KIF20B: variants seen among roughly 807,000 people sequenced by gnomAD.
The protein encoded by KIF20B is kinesin family member 20B.
Under a neutral mutation model 232.5 loss-of-function variants are expected in KIF20B, and 188 were observed. The ratio of observed to expected loss-of-function variants is 0.81; its 90% CI spans 0.72 to 0.91. KIF20B has a LOEUF of 0.91. KIF20B is among the 40% of genes least tolerant of loss of function. KIF20B has a pLI of 0.00. For missense variants in KIF20B, 2,154 were observed against 2,055.9 expected (o/e 1.05, Z -0.92); for synonymous variants, 712 against 683.0 (o/e 1.04, Z -0.66).
intron 25 of KIF20B, among the ~76,000 whole-genome samples, chr10:89,754,161 T>G (rs532392359): frequency 1.3e-5 from 2 of 151,324 alleles, no homozygotes; most frequent in South Asian, 2.1e-4. Flanking sequence ...AACCATCCAG[T>G]TAGAAATGAC....
chr10:89,737,517 C>G lies in KIF20B; in HGVS notation c.2676C>G (p.Leu892=). 1.2e-6 allele frequency: 2 copies of G among 1,609,102 alleles called. No homozygotes were observed. Among genetic ancestry groups the G allele is most frequent in the South Asian group, 2.2e-5 (2 of 90,092 alleles). The change falls in exon 20 of 33, where the codon CTC becomes CTG. Residue 892 remains leucine, a synonymous_variant. Coordinates refer to ENST00000371728, the MANE Select transcript of KIF20B (RefSeq NM_001284259.2). ...ENNEGLRAFL[L]TIENELKNEK... ...ATGAAGGACTGAGAGCATTTTTACT[C>G]ACTATTGAGAATGAACTTAAAAATG...
chr10:89,724,125 C>T, intron 14 of KIF20B, 22 bp downstream of exon 14: 3 of 1,445,200 alleles, frequency 2.1e-6, no homozygotes, highest in Non-Finnish European at 2.7e-6. Flanking sequence ...ATTTCATGTC[C>T]AGGTAAAAAT....
At chr10:89,736,311 T>G (rs1325531892) in intron 19 of KIF20B, among the ~76,000 whole-genome samples, 2 of 152,230 alleles carry the variant, frequency 1.3e-5, no homozygotes, top group Non-Finnish European at 2.9e-5. Context: ...TATAAATTTA[T>G]ATATCTAGAA....
chr10:89,709,812 G>A (rs1589850827), intron 4 of KIF20B, 115 bp from the exon 5 acceptor site: 1 of 738,212 alleles, frequency 1.4e-6, no homozygotes, highest in South Asian at 4.1e-5. Flanking sequence ...TGGGGATGTG[G>A]CACCTATTTT....
In KIF20B at chr10:89,762,745, C is replaced by A; in HGVS notation, c.4899C>A (p.Asn1633Lys). 6.2e-7 allele frequency: 1 copy of A among 1,613,268 alleles called. No individual in the cohort carries two copies. Among genetic ancestry groups the A allele is most frequent in the East Asian group, 2.2e-5 (1 of 44,818 alleles). Residue 1633 changes from asparagine to lysine, a missense_variant, in exon 29 of 33, where the codon AAC becomes AAA. Coordinates refer to ENST00000371728, the MANE Select transcript of KIF20B (RefSeq NM_001284259.2). ...TTCAATTTACACCTTTACAGCCAAA[C>A]AAAATGGCAGTGAAACACCCTGGTT... ...LEIQFTPLQP[N>K]KMAVKHPGCT...
rs568285706 is a variant in KIF20B at position 89,742,824 on chromosome 10, C to T, written c.3916-984C>T. ...AAGCAATTCTTCTGCCTCAGTCTCC[C>T]GAGTAGCTGGGACTACAGGCACGTG... On this transcript the variant is annotated intron_variant, in intron 21 of 32. Transcript: ENST00000371728. 9.9e-5 allele frequency among the ~76,000 whole-genome samples: 15 copies of T among 151,632 alleles called. 1 individual carries two copies. The East Asian group carries it at 2.3e-3, about 24-fold the overall frequency.
chr10:89,747,744 G>T (rs1311659374), intron 23 of KIF20B, among the ~76,000 whole-genome samples: 3 of 151,974 alleles, frequency 2.0e-5, no homozygotes, highest in East Asian at 1.9e-4. Flanking sequence ...TATGGGGTGG[G>T]GGGAGTGGGG....
Position 89,768,308 on chromosome 10 carries a change from A to C in KIF20B, c.5008A>C (p.Asn1670His). ...TTTTTAGGACTTGGTGAAATGTGAAAATAAGAAGAATGCTACACCCAGAAC... is the reference window on the plus strand; with the variant it reads ...TTTTTAGGACTTGGTGAAATGTGAACATAAGAAGAATGCTACACCCAGAAC... ...EMEEDLVKCE[N>H]KKNATPRTNL... The change falls in exon 30 of 33, where the codon AAT (asparagine) becomes CAT (histidine). Residue 1670 changes from asparagine (N) to histidine (H), a missense_variant. Coordinates refer to ENST00000371728, the MANE Select transcript of KIF20B (RefSeq NM_001284259.2). The C allele has an allele frequency of 6.4e-7, 1 of 1,570,074 alleles. No individual in the cohort carries two copies.
In KIF20B at chr10:89,709,376, T is replaced by A. The variant is rs1842791369; in HGVS notation, c.266T>A (p.Val89Asp). Residue 89 changes from valine to aspartate, a missense_variant, in exon 4 of 33, where the codon GTT becomes GAT. Coordinates refer to ENST00000371728, the MANE Select transcript of KIF20B (RefSeq NM_001284259.2). ...GTGCATATTCTGGATTCACAGACTG[T>A]TGTGCTGAAAGAGCCTCAATGCATC... The part of the protein sequence containing the change: ...GCVHILDSQT[V>D]VLKEPQCILG... 1 of 1,613,440 alleles carries A rather than the reference T, an allele frequency of 6.2e-7. No individual in the cohort carries two copies. The highest frequency in any genetic ancestry group is 8.5e-7 in the Non-Finnish European group (1 of 1,179,680).
chr10:89,735,126 A>G (rs1841619204), intron 19 of KIF20B, among the ~76,000 whole-genome samples: 1 of 152,208 alleles, frequency 6.6e-6, no homozygotes, highest in Non-Finnish European at 1.5e-5. Context: ...TTTAAACATA[A>G]AGTTACCATA....
chr10:89,708,438 C>T (rs1316997873), intron 2 of KIF20B, among the ~76,000 whole-genome samples: 4 of 152,008 alleles, frequency 2.6e-5, no homozygotes, highest in Non-Finnish European at 4.4e-5. Flanking sequence ...CTCGAACTCC[C>T]GACCTCAGGT....
intron 27 of KIF20B, among the ~76,000 whole-genome samples, chr10:89,759,378 A>G (rs1842193542): frequency 6.6e-6 from 1 of 152,166 alleles, no homozygotes; most frequent in South Asian, 2.1e-4. Flanking sequence ...CTGAAAGAGG[A>G]GAGAATTGCC....
intron 7 of KIF20B, among the ~76,000 whole-genome samples, chr10:89,714,427 G>A (rs955585563): frequency 1.1e-4 from 16 of 151,956 alleles, no homozygotes; most frequent in Non-Finnish European, 1.9e-4. Context: ...GCAGTGAGCC[G>A]AGATCGCGCC....
At chr10:89,716,732 C>G (rs1252496964) in intron 9 of KIF20B, among the ~76,000 whole-genome samples, 185 bp downstream of exon 9, 2 of 152,138 alleles carry the variant, frequency 1.3e-5, no homozygotes, top group African/African-American at 4.8e-5. Flanking sequence ...CCTGTCCTGA[C>G]AGTAGATTTA....
intron 23 of KIF20B, among the ~76,000 whole-genome samples, chr10:89,747,711 G>A (rs1841943447): frequency 6.7e-6 from 1 of 149,182 alleles, no homozygotes; most frequent in Admixed American, 6.8e-5. Context: ...ACAGGAAGGG[G>A]AACATCACAC....
intron 7 of KIF20B, among the ~76,000 whole-genome samples, chr10:89,714,473 T>C (rs1842897640): frequency 6.6e-6 from 1 of 151,402 alleles, no homozygotes; most frequent in Non-Finnish European, 1.5e-5. Flanking sequence ...TGAAACTGTC[T>C]CAAAAAAAAA....
intron 28 of KIF20B, among the ~76,000 whole-genome samples, chr10:89,761,958 C>T (rs1373141502): frequency 6.6e-6 from 1 of 152,108 alleles, no homozygotes. Flanking sequence ...AATCGATATA[C>T]TTAACTGGGC....
At chr10:89,749,327 A>G (rs528246660) in intron 23 of KIF20B, among the ~76,000 whole-genome samples, 4 of 152,210 alleles carry the variant, frequency 2.6e-5, no homozygotes, top group Admixed American at 6.5e-5. Context: ...TATTCACGGA[A>G]TGCCTTTCAC....
intron 22 of KIF20B, among the ~76,000 whole-genome samples, chr10:89,744,282 G>A (rs1231689307): frequency 6.6e-6 from 1 of 151,998 alleles, no homozygotes; most frequent in African/African-American, 2.4e-5. Context: ...TACCCTCTTT[G>A]GTATTCTTTC....
Sources: allele counts gnomAD v4.1 joint callset (sites outside exome capture counted in the v4.1 genomes callset), GRCh38; gene constraint gnomAD v4.1.1; transcripts MANE v1.5; gene names NCBI Gene and HGNC (gene_info 2026-07-23, HGNC 2026-07-21).